Variants in ELMO2 observed in about 807,000 individuals in gnomAD.
The protein encoded by ELMO2 is engulfment and cell motility protein 2.
ELMO2 carries 37 observed loss-of-function variants against 96.2 expected under a neutral mutation model. The ratio of observed to expected loss-of-function variants is 0.38; its 90% confidence interval spans 0.30 to 0.51. The LOEUF (loss-of-function observed/expected upper bound fraction) is 0.51. ELMO2 is among the 20% of genes least tolerant of loss of function. ELMO2 has a pLI of 0.88. For missense variants in ELMO2, 561 were observed against 912.6 expected, an observed-to-expected ratio of 0.61 and a Z score of 4.96; for synonymous variants, 315 against 329.4, an observed-to-expected ratio of 0.96 and a Z score of 0.47.
chr20:46,382,542 T>C (rs888443329), intron 10 of ELMO2, among the ~76,000 whole-genome samples: 7 of 152,228 alleles, frequency 4.6e-5, no homozygotes, highest in African/African-American at 1.7e-4. Context: ...TTGGAAGGGC[T>C]GTCAGAGATC....
chr20:46,395,864 T>G (rs150376381), intron 2 of ELMO2, among the ~76,000 whole-genome samples: 2,118 of 152,358 alleles, frequency 0.014, 14 homozygotes, highest in South Asian at 0.041. Flanking sequence ...CCCCACGAAT[T>G]AGGCAGAACA....
At chr20:46,394,822 T>C (rs1249288150) in intron 2 of ELMO2, among the ~76,000 whole-genome samples, 4 of 152,204 alleles carry the variant, frequency 2.6e-5, no homozygotes, top group African/African-American at 4.8e-5. Flanking sequence ...GGTAGAGGAA[T>C]GTATTTACTG....
Position 46,374,442 on chromosome 20 carries a change from T to C in ELMO2, c.1171-2A>G, listed in dbSNP as rs1568753589. 1 of 1,613,992 alleles carries C rather than the reference T, an allele frequency of 6.2e-7. No homozygotes were observed. The highest frequency in any genetic ancestry group is 8.5e-7 in the Non-Finnish European group (1 of 1,179,922). ...CCGGCTACTGTTCTCCAAGACAATCTGTCGGGGGAAGAGAAAGGGAGGATT... is the reference window on the plus strand; with the variant it reads ...CCGGCTACTGTTCTCCAAGACAATCCGTCGGGGGAAGAGAAAGGGAGGATT... On this transcript the variant is annotated splice_acceptor_variant, in intron 14 of 21. Transcript: ENST00000290246. LOFTEE classifies it high-confidence loss of function.
At chr20:46,397,778 T>C (rs1230156433) in intron 2 of ELMO2, among the ~76,000 whole-genome samples, 1 of 151,998 alleles carries the variant, frequency 6.6e-6, no homozygotes, top group Non-Finnish European at 1.5e-5. Flanking sequence ...TCAGAGCGAA[T>C]ACCATGGCAA....
intron 11 of ELMO2, chr20:46,377,086 A>T (rs1398043861): frequency 3.8e-6 from 1 of 263,772 alleles, no homozygotes; most frequent in African/African-American, 2.3e-5. Flanking sequence ...CTAACTTTGG[A>T]TCAGCTCTCC....
At position 46,375,508 on chromosome 20, in the gene ELMO2, G is replaced by T. The variant is rs2059841832; in HGVS notation, c.931-138C>A. On this transcript the variant is annotated intron_variant, in intron 12 of 21. Transcript: ENST00000290246. The surrounding 1 kb of genome is among the most constrained non-coding windows in gnomAD (Gnocchi z 4.6). ...GGAGGCATCACCTCTACCACAGCAG[G>T]ACAGAAATGGGCTTGGCTCATGGTG... is the stretch of plus-strand genomic sequence containing the variant. The T allele has an allele frequency of 4.1e-6, 6 of 1,477,146 alleles. No individual in the cohort carries two copies. In the South Asian group the frequency reaches 5.2e-5, roughly 13 times the overall value. The allele number at this position is 1,477,146 out of a possible 1,614,324, so 91.5% of individuals were successfully genotyped here.
rs778523546 is a variant in ELMO2 at position 46,389,231 on chromosome 20, A to C, written c.244-11T>G. ...GCGTGCAGCCCGGGACTAGGAGGCC[A>C]GGGACAAGATATGTGCCATCTGCTC... is the stretch of plus-strand genomic sequence containing the variant. On this transcript the variant is annotated splice_polypyrimidine_tract_variant and intron_variant, in intron 6 of 21. Transcript: ENST00000290246. 3 of 1,612,422 alleles carry C rather than the reference A, an allele frequency of 1.9e-6. No homozygotes were observed.
At chr20:46,385,361 T>G (rs918288109) in intron 9 of ELMO2, among the ~76,000 whole-genome samples, 2 of 152,198 alleles carry the variant, frequency 1.3e-5, no homozygotes, top group African/African-American at 4.8e-5. Context: ...GTAAAATGTT[T>G]TAGGATGTGA....
chr20:46,377,212 T>G (rs548755504), intron 11 of ELMO2, among the ~76,000 whole-genome samples: 45 of 152,236 alleles, frequency 3.0e-4, no homozygotes, highest in Non-Finnish European at 5.9e-4. Context: ...TGTAAATGCA[T>G]ACCGGATCTT....
At chr20:46,395,976 G>A (rs554492256) in intron 2 of ELMO2, among the ~76,000 whole-genome samples, 1 of 152,234 alleles carries the variant, frequency 6.6e-6, no homozygotes, top group African/African-American at 2.4e-5. Context: ...ACAGAACTTG[G>A]ACTGGCTTCG....
intron 1 of ELMO2, among the ~76,000 whole-genome samples, chr20:46,403,951 G>T (rs932217891): frequency 6.6e-6 from 1 of 152,184 alleles, no homozygotes; most frequent in African/African-American, 2.4e-5. Context: ...GGGCACGGTG[G>T]CAGGCACCTG....
chr20:46,367,288 G>T lies in ELMO2; in HGVS notation c.*72C>A. On this transcript the variant is annotated 3_prime_UTR_variant, in exon 22 of 22. Coordinates refer to ENST00000290246, the MANE Select transcript of ELMO2 (RefSeq NM_133171.5). The stretch of plus-strand genomic sequence containing the variant: ...AGATTCTGTACAAGCAAAAGACAAG[G>T]CACCAGAATGTAAGTGTTTCTCCTG... The T allele has an allele frequency of 7.6e-7, 1 of 1,320,826 alleles. No individual in the cohort carries two copies. The highest frequency in any genetic ancestry group is 1.0e-6 in the Non-Finnish European group (1 of 997,250). The allele number at this position is 1,320,826 out of a possible 1,614,324, so 81.8% of individuals were successfully genotyped here. A position where few individuals can be genotyped will look rare whatever the true frequency, so the allele number is the denominator to read the frequency against.
intron 11 of ELMO2, among the ~76,000 whole-genome samples, chr20:46,378,104 T>C (rs2059896941): frequency 6.6e-6 from 1 of 152,206 alleles, no homozygotes; most frequent in Non-Finnish European, 1.5e-5. Context: ...ATTCTCTTTC[T>C]CCAACTTAAG....
In ELMO2 at chr20:46,369,139, A is replaced by T. The variant is rs2059643600; in HGVS notation, c.1885-171T>A. ...TGTGGCTGGAGATGAGGCCCAGCAT[A>T]AATCAACCTTAACTTACCCACTCCC... On this transcript the variant is annotated intron_variant, in intron 20 of 21. Coordinates refer to ENST00000290246, the MANE Select transcript of ELMO2 (RefSeq NM_133171.5). 12 of 595,484 alleles carry T rather than the reference A, an allele frequency of 2.0e-5. No homozygotes were observed. In the South Asian group the frequency reaches 2.5e-4, roughly 13 times the overall value. 36.9% of individuals were successfully genotyped at this position (595,484 alleles called of 1,614,324 possible).
intron 9 of ELMO2, among the ~76,000 whole-genome samples, chr20:46,385,314 T>C (rs1319005900): frequency 6.6e-6 from 1 of 152,232 alleles, no homozygotes; most frequent in East Asian, 1.9e-4. Flanking sequence ...GAAACATTGC[T>C]CCAATGGGTT....
chr20:46,370,398 C>T, intron 20 of ELMO2, 45 bp downstream of exon 20: 1 of 1,570,178 alleles, frequency 6.4e-7, no homozygotes, highest in Non-Finnish European at 8.8e-7. Flanking sequence ...ATGGCACTCT[C>T]CAAGTATCAC....
rs1972683099 is a variant in ELMO2, at chr20:46,367,067, A to C, written c.*293T>G. On this transcript the variant is annotated 3_prime_UTR_variant, in exon 22 of 22. Transcript: ENST00000290246. Reference sequence around the variant, plus strand: ...TGGCTGTTGTTAAATCCATTTCAAGAAGCAGTTTCTTGGACTGGAAGGCAA... The same window carrying C: ...TGGCTGTTGTTAAATCCATTTCAAGCAGCAGTTTCTTGGACTGGAAGGCAA... 3.5e-6 allele frequency: 1 copy of C among 283,452 alleles called. No individual in the cohort carries two copies. 17.6% of individuals were successfully genotyped at this position (283,452 alleles called of 1,614,324 possible). A position where few individuals can be genotyped will look rare whatever the true frequency, so the allele number is the denominator to read the frequency against.
At chr20:46,387,274 C>T in intron 8 of ELMO2, 64 bp downstream of exon 8, 1 of 1,412,936 alleles carries the variant, frequency 7.1e-7, no homozygotes, top group Non-Finnish European at 1.0e-6. Context: ...GCCTGTATCT[C>T]CCCTTAAGCC....
At chr20:46,380,349 A>C in intron 10 of ELMO2, 46 bp from the exon 11 acceptor site, 1 of 1,466,462 alleles carries the variant, frequency 6.8e-7, no homozygotes, top group Non-Finnish European at 9.5e-7. Flanking sequence ...GCAGGCACAC[A>C]CCTGTGACTA....
Sources: gnomAD v4.1 joint callset for allele counts (sites outside exome capture counted in the v4.1 genomes callset) on GRCh38, gnomAD v4.1.1 for gene constraint, Gnocchi (gnomAD v3.1) non-coding constraint, MANE v1.5 for transcripts, NCBI Gene and HGNC (gene_info 2026-07-23, HGNC 2026-07-21) for gene names.